Variants in HMGXB3 observed in about 807,000 individuals in gnomAD.
HMGXB3 encodes the protein HMG-box containing 3.
In HMGXB3, 45 loss-of-function variants were observed where a neutral mutation model predicts 121.5. That is an observed-to-expected ratio of 0.37 (90% CI 0.29 to 0.47). The LOEUF (loss-of-function observed/expected upper bound fraction) is 0.47, where lower values mean the gene tolerates loss of function less well. HMGXB3 is among the 20% of genes least tolerant of loss of function. The probability of loss-of-function intolerance (pLI) is 0.99; values close to 1 mark genes in which losing one functional copy is unlikely to be tolerated. For synonymous variants in HMGXB3, 590 were observed against 624.1 expected, an observed-to-expected ratio of 0.95 and a Z score of 0.81; for missense variants, 1,376 against 1,602.2, an observed-to-expected ratio of 0.86 and a Z score of 2.41.
At chr5:150,028,121 G>A (rs576227298) in intron 9 of HMGXB3, among the ~76,000 whole-genome samples, 6 of 152,084 alleles carry the variant, frequency 3.9e-5, no homozygotes, top group African/African-American at 1.2e-4. Flanking sequence ...ATGAACATTG[G>A]TTCAGTCTGG....
rs1044532834 is a variant in HMGXB3 at position 150,024,311 on chromosome 5, A to G, written c.1091A>G (p.Lys364Arg). ...KVELASGVSS[K>R]GSVVKRNQQP... ...GAATTGGCTTCTGGCGTCTCTTCCA[A>G]AGGCTCTGTGGTGAAAAGAAATCAG... The change falls in exon 7 of 20, where the codon AAA becomes AGA. Residue 364 changes from lysine (K) to arginine (R), a missense_variant. Physicochemically the swap from Lys to Arg is conservative, Grantham distance 26. This residue lies in a region of HMGXB3 where 1,116 missense variants were observed against 1,369.0 expected (regional missense o/e 0.82). Transcript: ENST00000502717. 4 of 1,550,402 alleles carry G rather than the reference A, an allele frequency of 2.6e-6. No homozygotes were observed. Among genetic ancestry groups the G allele is most frequent in the Non-Finnish European group, 3.5e-6 (4 of 1,146,678 alleles).
Position 150,021,719 on chromosome 5 carries a change from A to G in HMGXB3, c.1042-2543A>G, listed in dbSNP as rs1756098211. ...TCCTATGTCTTAGAACCTTGACCAC[A>G]AGTTTTTCTTGTAGTGATTCTCAAA... On this transcript the variant is annotated intron_variant, in intron 6 of 19. Transcript: ENST00000502717. 9.8e-6 allele frequency: 5 copies of G among 511,264 alleles called. No homozygotes were observed. The Admixed American group carries it at 1.0e-4, about 10-fold the overall frequency. 31.7% of individuals were successfully genotyped at this position (511,264 alleles called of 1,614,324 possible).
chr5:150,045,714 C>A (rs1756739457), intron 16 of HMGXB3, 29 bp downstream of exon 16: 13 of 1,510,098 alleles, frequency 8.6e-6, no homozygotes, highest in Non-Finnish European at 1.2e-5. Context: ...TGACTGGGGT[C>A]AAAAAAGGGC....
chr5:150,007,112 A>G (rs1035636177), intron 3 of HMGXB3, among the ~76,000 whole-genome samples: 2 of 152,218 alleles, frequency 1.3e-5, no homozygotes. Flanking sequence ...GTAATACAGT[A>G]CCACATTATT....
chr5:150,026,322 ATGGAC>A (rs1249741893), intron 7 of HMGXB3, among the ~76,000 whole-genome samples: 1 of 152,218 alleles, frequency 6.6e-6, no homozygotes, highest in Non-Finnish European at 1.5e-5. Context: ...TGAAGCAAAC[ATGGAC>A]TCTGTTCTCT....
rs116574120 is a variant in HMGXB3, at chr5:150,030,160, A to G, written c.1735-581A>G. ...TTTCTTTCTTTTTTTTAGCTATATA[A>G]GTAAAATATACATTCCTTATAAAAC... is the stretch of plus-strand genomic sequence containing the variant. On this transcript the variant is annotated intron_variant, in intron 9 of 19. Transcript: ENST00000502717. Among the ~76,000 whole-genome samples the G allele has an allele frequency of 2.1e-3, 321 of 152,268 alleles. 1 individual carries two copies. Among genetic ancestry groups the G allele is most frequent in the African/African-American group, 7.5e-3 (312 of 41,558 alleles).
At chr5:150,022,917 C>G (rs747574181) in intron 6 of HMGXB3, among the ~76,000 whole-genome samples, 1 of 149,206 alleles carries the variant, frequency 6.7e-6, no homozygotes, top group Non-Finnish European at 1.5e-5. Flanking sequence ...GTCAAGTGAT[C>G]CTGCCACCTC....
At chr5:150,038,672 C>G (rs991044153) in intron 13 of HMGXB3, among the ~76,000 whole-genome samples, 1 of 152,184 alleles carries the variant, frequency 6.6e-6, no homozygotes, top group African/African-American at 2.4e-5. Context: ...GTTCTCTTTC[C>G]CAGAATGTCA....
chr5:150,010,343 GCCTGGCTGTGGAGGC>G lies in HMGXB3; in HGVS notation c.554_568del (p.Val185_Ala189del), dbSNP rs1294333673. 4 of 1,551,724 alleles carry G rather than the reference GCCTGGCTGTGGAGGC, an allele frequency of 2.6e-6. No individual in the cohort carries two copies. Among genetic ancestry groups the G allele is most frequent in the African/African-American group, 2.7e-5 (2 of 73,166 alleles). ...AGCCATGCAGGCATGGCAGAGCAGT[GCCTGGCTGTGGAGGC>G]CCTGGCTGAGGAGGTGGGAGCCCTT... On this transcript the variant is annotated inframe_deletion, in exon 4 of 20. Coordinates refer to ENST00000502717, the MANE Select transcript of HMGXB3 (RefSeq NM_014983.3).
intron 10 of HMGXB3, among the ~76,000 whole-genome samples, chr5:150,031,192 G>A (rs745305700): frequency 2.0e-5 from 3 of 152,160 alleles, no homozygotes; most frequent in Non-Finnish European, 1.5e-5. Context: ...TTTAGGCAAC[G>A]TTGCCTTTTT....
chr5:150,010,796 A>G (rs1054901884), intron 4 of HMGXB3, among the ~76,000 whole-genome samples, 188 bp downstream of exon 4: 4 of 151,980 alleles, frequency 2.6e-5, no homozygotes, highest in African/African-American at 9.7e-5. Flanking sequence ...TTTCTCAGGC[A>G]CTCTTACCAA....
chr5:150,032,465 G>A lies in HMGXB3; in HGVS notation c.1845G>A (p.Leu615=). ...TCTTACTTTTTTAGGATTTGGGCCT[G>A]GCTACATCAAGAGGCCGGGGAAAGT... The part of the protein sequence containing the change: ...YSCTVTLDLG[L]ATSRGRGKCK... Residue 615 remains leucine (L), a synonymous_variant, in exon 11 of 20, where the codon CTG becomes CTA. Coordinates refer to ENST00000502717, the MANE Select transcript of HMGXB3 (RefSeq NM_014983.3). 1.3e-6 allele frequency: 2 copies of A among 1,551,576 alleles called. No individual in the cohort carries two copies. The highest frequency in any genetic ancestry group is 8.7e-7 in the Non-Finnish European group (1 of 1,146,928).
In HMGXB3 at chr5:150,024,596, A is replaced by G. The variant is rs528406493; in HGVS notation, c.1376A>G (p.Asn459Ser). ...GAGGTCACTCTGGGGACAACTGACA[A>G]TGACAGTCCTGGAGCAGACGTACCA... is the stretch of plus-strand genomic sequence containing the variant. The part of the protein sequence containing the change: ...QPEVTLGTTD[N>S]DSPGADVPTP... Residue 459 changes from asparagine to serine, a missense_variant, in exon 7 of 20, where the codon AAT (asparagine) becomes AGT (serine). Physicochemically the swap from Asn to Ser is conservative, Grantham distance 46 (BLOSUM62 1). This residue lies in a region of HMGXB3 where 1,116 missense variants were observed against 1,369.0 expected (regional missense o/e 0.82). Transcript: ENST00000502717. 105 of 1,551,774 alleles carry G rather than the reference A, an allele frequency of 6.8e-5. No individual in the cohort carries two copies. In the African/African-American group the frequency reaches 1.2e-3, roughly 18 times the overall value.
chr5:150,050,343 A>G lies in HMGXB3; in HGVS notation c.3293A>G (p.Tyr1098Cys). Residue 1098 changes from tyrosine (Y) to cysteine (C), a missense_variant, in exon 19 of 20, where the codon TAT (tyrosine) becomes TGT (cysteine). Tyr to Cys is a radical substitution (Grantham distance 194). Coordinates refer to ENST00000502717, the MANE Select transcript of HMGXB3 (RefSeq NM_014983.3). ...TCTTCCCGCCACTGGCCGCCTGTCT[A>G]TGTGGTAGATATGGCCACGTCAGTG... is the stretch of plus-strand genomic sequence containing the variant. Reference protein sequence around the residue: ...LASSRHWPPVYVVDMATSVAL... With the variant: ...LASSRHWPPVCVVDMATSVAL... 2 of 1,551,806 alleles carry G rather than the reference A, an allele frequency of 1.3e-6. No homozygotes were observed.
At chr5:150,041,468 T>C (rs992040320) in intron 14 of HMGXB3, among the ~76,000 whole-genome samples, 1 of 152,220 alleles carries the variant, frequency 6.6e-6, no homozygotes, top group Non-Finnish European at 1.5e-5. Context: ...TCTCCAGTTA[T>C]AAAATGAGGA....
In HMGXB3 at chr5:150,013,018, G is replaced by A. The variant is rs186701053; in HGVS notation, c.909+665G>A. Among the ~76,000 whole-genome samples, 68 of 152,310 alleles carry A rather than the reference G, an allele frequency of 4.5e-4. No individual in the cohort carries two copies. In the Middle Eastern group the frequency reaches 0.014, roughly 30 times the overall value. ...TAGATGCTGTTGGGTTTCCTACAAA[G>A]TTAATCATGCTGTCTACAAGTAATG... is the stretch of plus-strand genomic sequence containing the variant. On this transcript the variant is annotated intron_variant, in intron 5 of 19. Transcript: ENST00000502717.
Position 150,052,178 on chromosome 5 carries a change from G to A in HMGXB3, c.3865G>A (p.Ala1289Thr), listed in dbSNP as rs572873668. 41 of 1,544,388 alleles carry A rather than the reference G, an allele frequency of 2.7e-5. No individual in the cohort carries two copies. The highest frequency in any genetic ancestry group is 1.2e-4 in the East Asian group (5 of 40,778). The stretch of plus-strand genomic sequence containing the variant: ...GGAGGGTGAGGAAGAGGAGGTGGCC[G>A]CAGTGGCAGAATAAGCCAGGCTGTT... ...EEEGEEEEVA[A>T]VAE Residue 1289 changes from alanine (A) to threonine (T), a missense_variant, in exon 20 of 20, where the codon GCA becomes ACA. By Grantham distance (58) the Ala-to-Thr change is moderately conservative. Around this residue, in one of 2 missense-constraint regions of HMGXB3, gnomAD observed 260 missense variants for 233.2 expected, o/e 1.11. Coordinates refer to ENST00000502717, the MANE Select transcript of HMGXB3 (RefSeq NM_014983.3).
At chr5:150,020,270 G>A (rs1489794301) in intron 6 of HMGXB3, among the ~76,000 whole-genome samples, 4 of 152,210 alleles carry the variant, frequency 2.6e-5, no homozygotes. Context: ...AGGGGGTTTT[G>A]TCTAAGGCTC....
chr5:150,010,252 G>C lies in HMGXB3; in HGVS notation c.454G>C (p.Ala152Pro). ...CTGCCCTCAGCTAGAGCTATGTGTG[G>C]CTCAGAACCAGATGTCCCCGAAAGG... Reference protein sequence around the residue: ...RSCPQLELCVAQNQMSPKGPP... With the variant: ...RSCPQLELCVPQNQMSPKGPP... The change falls in exon 4 of 20, where the codon GCT becomes CCT. Residue 152 changes from alanine (A) to proline (P), a missense_variant. Around this residue, in one of 2 missense-constraint regions of HMGXB3, gnomAD observed 1,116 missense variants for 1,369.0 expected, o/e 0.82. Transcript: ENST00000502717. The C allele has an allele frequency of 6.4e-7, 1 of 1,551,830 alleles. No individual in the cohort carries two copies. The highest frequency in any genetic ancestry group is 8.7e-7 in the Non-Finnish European group (1 of 1,147,012).
Sources: gnomAD v4.1 joint callset for allele counts (sites outside exome capture counted in the v4.1 genomes callset) on GRCh38, gnomAD v4.1.1 for gene constraint, gnomAD v4.1.1 regional missense constraint, MANE v1.5 for transcripts, NCBI Gene and HGNC (gene_info 2026-07-23, HGNC 2026-07-21) for gene names.